CHSY3: variants seen among roughly 807,000 people sequenced by gnomAD.
CHSY3 encodes chondroitin sulfate synthase 3, also known as N-acetylgalactosaminyl-proteoglycan 3-beta-glucuronosyltransferase 3.
Under a neutral mutation model 67.2 loss-of-function variants are expected in CHSY3, and 35 were observed. The observed-to-expected ratio is 0.52, with a 90% CI of 0.40 to 0.69. CHSY3 has a LOEUF of 0.69. CHSY3 is among the 30% of genes least tolerant of loss of function. The probability of loss-of-function intolerance (pLI) is 0.00; values close to 1 mark genes in which losing one functional copy is unlikely to be tolerated. For synonymous variants in CHSY3, 474 were observed against 434.7 expected, an observed-to-expected ratio of 1.09 and a Z score of -1.12; for missense variants, 1,069 against 1,138.5, an observed-to-expected ratio of 0.94 and a Z score of 0.88.
chr5:129,974,216 G>C (rs1219867701), intron 2 of CHSY3, among the ~76,000 whole-genome samples: 1 of 152,054 alleles, frequency 6.6e-6, no homozygotes, highest in Non-Finnish European at 1.5e-5. Flanking sequence ...CACTGATCTG[G>C]TTACATTCCT....
chr5:129,978,405 A>C (rs1762874486), intron 2 of CHSY3, among the ~76,000 whole-genome samples: 2 of 152,174 alleles, frequency 1.3e-5, no homozygotes, highest in African/African-American at 4.8e-5. Context: ...CTTAAGTTGG[A>C]GATGTACAAA....
intron 2 of CHSY3, among the ~76,000 whole-genome samples, chr5:129,943,318 T>A (rs1221220439): frequency 6.6e-6 from 1 of 152,204 alleles, no homozygotes; most frequent in Non-Finnish European, 1.5e-5. Context: ...TTATCAAATG[T>A]TGATCAAAAA....
At position 129,904,596 on chromosome 5, in the gene CHSY3, C is replaced by T. The variant is rs2149571074; in HGVS notation, c.-234C>T. 1 of 600,982 alleles carries T rather than the reference C, an allele frequency of 1.7e-6. No individual in the cohort carries two copies. The highest frequency in any genetic ancestry group is 2.3e-6 in the Non-Finnish European group (1 of 425,668). The allele number at this position is 600,982 out of a possible 1,614,324, so 37.2% of individuals were successfully genotyped here. A position where few individuals can be genotyped will look rare whatever the true frequency, so the allele number is the denominator to read the frequency against. On this transcript the variant is annotated 5_prime_UTR_variant, in exon 1 of 3. Transcript: ENST00000305031. ...GCCGCCGCCGGGAGAAGTTTCACTC[C>T]CGACCCTTGCTCGGAGCCCCGGCCC...
chr5:130,000,732 C>CTTT (rs71000946), intron 2 of CHSY3, among the ~76,000 whole-genome samples: 31,834 of 76,596 alleles, frequency 0.42, 8,886 homozygotes, highest in Non-Finnish European at 0.48. Flanking sequence ...AACTTTTCTT[C>CTTT]TTTTTTTTTT....
chr5:129,954,971 T>C (rs1344946812), intron 2 of CHSY3, among the ~76,000 whole-genome samples: 1 of 152,060 alleles, frequency 6.6e-6, no homozygotes. Flanking sequence ...TGGGTTCAAG[T>C]GATTCTCCTG....
intron 2 of CHSY3, among the ~76,000 whole-genome samples, chr5:130,113,999 A>C (rs981467024): frequency 2.0e-5 from 3 of 152,172 alleles, no homozygotes; most frequent in Admixed American, 6.6e-5. Flanking sequence ...TTTATGCCAA[A>C]TCATTTTGAG....
intron 1 of CHSY3, 72 bp downstream of exon 1, chr5:129,905,703 C>T (rs1760258572): frequency 1.3e-6 from 2 of 1,553,986 alleles, no homozygotes; most frequent in Admixed American, 1.8e-5. Context: ...GTCCTAGCCC[C>T]TGCCCAGCCC....
intron 2 of CHSY3, among the ~76,000 whole-genome samples, chr5:129,986,937 C>T (rs1441852505): frequency 6.6e-6 from 1 of 152,110 alleles, no homozygotes; most frequent in Non-Finnish European, 1.5e-5. Flanking sequence ...GCCAGTGTGT[C>T]CAGCCACAAG....
At chr5:130,101,359 C>G (rs1767238151) in intron 2 of CHSY3, among the ~76,000 whole-genome samples, 1 of 152,070 alleles carries the variant, frequency 6.6e-6, no homozygotes, top group Admixed American at 6.6e-5. Flanking sequence ...GCAGTTATTA[C>G]AAGCTTCTCA....
intron 2 of CHSY3, among the ~76,000 whole-genome samples, chr5:130,069,657 A>G (rs1049639494): frequency 2.6e-5 from 4 of 152,050 alleles, no homozygotes; most frequent in Non-Finnish European, 5.9e-5. Context: ...TTTACATATT[A>G]TATCATATAT....
chr5:130,012,058 C>A (rs1428108262), intron 2 of CHSY3, among the ~76,000 whole-genome samples: 1 of 152,168 alleles, frequency 6.6e-6, no homozygotes, highest in Non-Finnish European at 1.5e-5. Context: ...GCTCTTTGTA[C>A]CAACTACCCA....
chr5:130,105,711 A>G (rs772226381), intron 2 of CHSY3, among the ~76,000 whole-genome samples: 1 of 151,682 alleles, frequency 6.6e-6, no homozygotes, highest in Non-Finnish European at 1.5e-5. Flanking sequence ...CCCATCCTCA[A>G]TCATTACTTT....
rs572601900 is a variant in CHSY3, at chr5:129,967,144, C to A, written c.1086+58784C>A. 3.3e-5 allele frequency among the ~76,000 whole-genome samples: 5 copies of A among 151,896 alleles called. No individual in the cohort carries two copies. The East Asian group carries it at 9.7e-4, about 30-fold the overall frequency. Reference sequence around the variant, plus strand: ...TTCAGTATCTTCATAAAATAAAAATCATGTACCTATCTCATAGACTCTGTA... The same window carrying A: ...TTCAGTATCTTCATAAAATAAAAATAATGTACCTATCTCATAGACTCTGTA... On this transcript the variant is annotated intron_variant, in intron 2 of 2. Coordinates refer to ENST00000305031, the MANE Select transcript of CHSY3 (RefSeq NM_175856.5).
Position 130,185,568 on chromosome 5 carries a change from A to C in CHSY3, c.2426A>C (p.Asp809Ala), listed in dbSNP as rs1295861113. Residue 809 changes from aspartate (D) to alanine (A), a missense_variant, in exon 3 of 3, where the codon GAT (aspartate) becomes GCT (alanine). This residue lies in a region of CHSY3 where 139 missense variants were observed against 152.8 expected (regional missense o/e 0.91). Transcript: ENST00000305031. ...SIQGWGLEDV[D>A]LYNKVILSGL... is the part of the protein sequence containing the mutation. The stretch of plus-strand genomic sequence containing the variant: ...CAAGGCTGGGGACTAGAAGATGTAG[A>C]TCTCTACAATAAAGTCATTCTATCT... 6.2e-7 allele frequency: 1 copy of C among 1,614,168 alleles called. No individual in the cohort carries two copies. Among genetic ancestry groups the C allele is most frequent in the Non-Finnish European group, 8.5e-7 (1 of 1,179,992 alleles).
Position 129,962,333 on chromosome 5 carries a change from C to T in CHSY3, c.1086+53973C>T, listed in dbSNP as rs149734643. Among the ~76,000 whole-genome samples the T allele has an allele frequency of 2.1e-3, 321 of 151,962 alleles. 1 individual carries two copies. The highest frequency in any genetic ancestry group is 7.4e-3 in the African/African-American group (309 of 41,508). The stretch of plus-strand genomic sequence containing the variant: ...CCTCTCTCCCTGAATTCAATCTGTC[C>T]CCAAGTCTTGTTGCTATTGCCTCCT... On this transcript the variant is annotated intron_variant, in intron 2 of 2. Transcript: ENST00000305031.
At chr5:130,017,210 A>G (rs574172221) in intron 2 of CHSY3, among the ~76,000 whole-genome samples, 4 of 151,692 alleles carry the variant, frequency 2.6e-5, no homozygotes, top group African/African-American at 7.3e-5. Context: ...TGCATATTTT[A>G]TATTCATGCT....
intron 2 of CHSY3, among the ~76,000 whole-genome samples, chr5:130,007,142 G>A (rs1192644952): frequency 6.6e-6 from 1 of 152,054 alleles, no homozygotes; most frequent in Non-Finnish European, 1.5e-5. Flanking sequence ...GTTATGTGTT[G>A]GTTTATACTC....
At chr5:130,069,749 A>G (rs575433665) in intron 2 of CHSY3, among the ~76,000 whole-genome samples, 30 of 152,040 alleles carry the variant, frequency 2.0e-4, no homozygotes, top group Non-Finnish European at 4.3e-4. Flanking sequence ...CTCTAGATTC[A>G]TCTAATAGGT....
intron 2 of CHSY3, among the ~76,000 whole-genome samples, chr5:130,018,186 CA>C (rs1462390937): frequency 6.6e-6 from 1 of 151,868 alleles, no homozygotes. Context: ...TTATTTTCTA[CA>C]AAAAAGTTAA....
Sources: allele counts gnomAD v4.1 joint callset (sites outside exome capture counted in the v4.1 genomes callset), GRCh38; gene constraint gnomAD v4.1.1; regional missense constraint gnomAD v4.1.1; transcripts MANE v1.5; gene names NCBI Gene and HGNC (gene_info 2026-07-23, HGNC 2026-07-21).